The following TCF12 variants were observed in gnomAD, a reference collection of about 807,000 sequenced individuals.
The protein encoded by TCF12 is DNA-binding protein HTF4.
A neutral mutation model predicts 86.0 loss-of-function variants in TCF12; 45 were observed. The observed-to-expected ratio is 0.52, with a 90% CI of 0.41 to 0.67. The LOEUF is 0.67. Ranked by LOEUF, TCF12 falls within the 30% of genes least tolerant of loss-of-function variation. The pLI, the probability that TCF12 is intolerant of heterozygous loss-of-function variation, is 0.00. For synonymous variants in TCF12, 330 were observed against 299.6 expected (o/e 1.10, Z -1.05); for missense variants, 881 against 859.9 (o/e 1.02, Z -0.31).
intron 3 of TCF12, among the ~76,000 whole-genome samples, chr15:57,019,130 G>A (rs1480625637): frequency 6.6e-6 from 1 of 152,202 alleles, no homozygotes; most frequent in Non-Finnish European, 1.5e-5. Context: ...AGTAGGCAAA[G>A]TTCTAATACT....
intron 5 of TCF12, among the ~76,000 whole-genome samples, chr15:57,151,607 A>G (rs2053765440): frequency 1.3e-5 from 2 of 152,094 alleles, no homozygotes; most frequent in Admixed American, 6.5e-5. Context: ...TCTACTAAAA[A>G]TACAAAAATT....
chr15:57,230,479 A>T (rs749897751), intron 8 of TCF12, among the ~76,000 whole-genome samples: 1 of 152,040 alleles, frequency 6.6e-6, no homozygotes, highest in Non-Finnish European at 1.5e-5. Context: ...TTGCTAATTC[A>T]AAATGTTTAT....
chr15:57,197,950 G>T, intron 8 of TCF12, 125 bp downstream of exon 8: 2 of 911,172 alleles, frequency 2.2e-6, no homozygotes, highest in Non-Finnish European at 3.4e-6. Flanking sequence ...ATTGTTCAGT[G>T]CTTAACAAAA....
chr15:56,937,302 G>C (rs535628951), intron 3 of TCF12, among the ~76,000 whole-genome samples: 9 of 151,754 alleles, frequency 5.9e-5, no homozygotes, highest in Admixed American at 5.9e-4. Flanking sequence ...TAGAGCTACT[G>C]ATTTGTATAC....
chr15:57,197,931 T>G, intron 8 of TCF12, 106 bp downstream of exon 8: 1 of 1,092,424 alleles, frequency 9.2e-7, no homozygotes, highest in Non-Finnish European at 1.4e-6. Flanking sequence ...GGGCATACTT[T>G]ACATAGTAAT....
At chr15:57,250,468 C>T (rs749327488) in intron 13 of TCF12, among the ~76,000 whole-genome samples, 87 of 152,298 alleles carry the variant, frequency 5.7e-4, no homozygotes, top group Admixed American at 1.4e-3. Flanking sequence ...ATGGCTGGCA[C>T]CTGTAATTCC....
At chr15:57,088,064 T>G (rs1452803834) in intron 4 of TCF12, among the ~76,000 whole-genome samples, 3 of 152,208 alleles carry the variant, frequency 2.0e-5, no homozygotes, top group Non-Finnish European at 4.4e-5. Context: ...ACTGATTTAC[T>G]TCCTTTATAT....
intron 3 of TCF12, among the ~76,000 whole-genome samples, chr15:56,941,474 G>A (rs562298939): frequency 6.6e-6 from 1 of 151,714 alleles, no homozygotes; most frequent in African/African-American, 2.4e-5. Context: ...CCAGGTTCTA[G>A]CAATTCTCCT....
At chr15:57,122,463 T>C (rs1230596048) in intron 5 of TCF12, among the ~76,000 whole-genome samples, 1 of 152,224 alleles carries the variant, frequency 6.6e-6, no homozygotes, top group Non-Finnish European at 1.5e-5. Flanking sequence ...ATATTCATTA[T>C]TTCATTCAAT....
chr15:57,093,943 T>G (rs1423538570), intron 5 of TCF12, among the ~76,000 whole-genome samples: 1 of 152,182 alleles, frequency 6.6e-6, no homozygotes, highest in African/African-American at 2.4e-5. Context: ...TGAGACAGGG[T>G]CTCACTTTGT....
intron 12 of TCF12, among the ~76,000 whole-genome samples, chr15:57,240,472 C>T (rs1478745536): frequency 6.6e-6 from 1 of 152,188 alleles, no homozygotes; most frequent in Non-Finnish European, 1.5e-5. Flanking sequence ...CAGCCTTTCC[C>T]TCCCTTGCCA....
intron 5 of TCF12, among the ~76,000 whole-genome samples, chr15:57,140,743 G>C (rs1361567061): frequency 1.3e-5 from 2 of 152,126 alleles, no homozygotes; most frequent in African/African-American, 4.8e-5. Context: ...TTTTATATTT[G>C]AGGAAACTGA....
At chr15:57,165,700 C>A (rs1325635956) in intron 5 of TCF12, among the ~76,000 whole-genome samples, 2 of 151,266 alleles carry the variant, frequency 1.3e-5, no homozygotes, top group Non-Finnish European at 2.9e-5. Flanking sequence ...CCATGCCTGG[C>A]TAATTTTTTG....
chr15:57,202,065 C>G (rs1369904837), intron 8 of TCF12, among the ~76,000 whole-genome samples: 1 of 152,146 alleles, frequency 6.6e-6, no homozygotes, highest in East Asian at 1.9e-4. Context: ...TTAACCATTA[C>G]CCATATCCTA....
At chr15:57,221,102 C>A (rs2058568590) in intron 8 of TCF12, among the ~76,000 whole-genome samples, 1 of 152,060 alleles carries the variant, frequency 6.6e-6, no homozygotes, top group Admixed American at 6.6e-5. Flanking sequence ...TTAGTAAGGG[C>A]TCTTTGGACT....
chr15:57,192,036 T>A, intron 6 of TCF12, 122 bp from the exon 7 acceptor site: 1 of 1,091,312 alleles, frequency 9.2e-7, no homozygotes, highest in Non-Finnish European at 1.3e-6. Context: ...AAAACGTACT[T>A]AATGGGTGCG....
Position 57,192,399 on chromosome 15 carries a change from C to A in TCF12, c.526+106C>A, listed in dbSNP as rs1045027991. 6 of 1,442,360 alleles carry A rather than the reference C, an allele frequency of 4.2e-6. No homozygotes were observed. In the Admixed American group the frequency reaches 1.2e-4, roughly 28 times the overall value. 89.3% of individuals were successfully genotyped at this position (1,442,360 alleles called of 1,614,324 possible). On this transcript the variant is annotated intron_variant, in intron 7 of 20. Transcript: ENST00000333725. ...CTTTTTTTTTTTTTTCTTTCCGTTTCTTTGTTTAAGACAGCGTCTCACTCT... is the reference window on the plus strand; with the variant it reads ...CTTTTTTTTTTTTTTCTTTCCGTTTATTTGTTTAAGACAGCGTCTCACTCT...
At chr15:57,172,841 C>T (rs139980047) in intron 6 of TCF12, among the ~76,000 whole-genome samples, 1 of 152,022 alleles carries the variant, frequency 6.6e-6, no homozygotes, top group Non-Finnish European at 1.5e-5. Flanking sequence ...TGACTCATGC[C>T]TGTAACCCCA....
intron 3 of TCF12, among the ~76,000 whole-genome samples, chr15:57,040,280 C>T (rs1298786222): frequency 2.6e-5 from 4 of 152,140 alleles, no homozygotes; most frequent in African/African-American, 9.7e-5. Context: ...TTGTTTATAA[C>T]GTGGGCTGTA....
Sources: allele counts gnomAD v4.1 joint callset (sites outside exome capture counted in the v4.1 genomes callset), GRCh38; gene constraint gnomAD v4.1.1; transcripts MANE v1.5; gene names NCBI Gene and HGNC (gene_info 2026-07-23, HGNC 2026-07-21).